FOXP1: variants seen among roughly 807,000 people sequenced by gnomAD.
The protein encoded by FOXP1 is forkhead box protein P1.
FOXP1 carries 15 observed loss-of-function variants against 98.2 expected under a neutral mutation model. The ratio of observed to expected loss-of-function variants is 0.15; its 90% CI spans 0.10 to 0.24. The LOEUF is 0.24. Ranked by LOEUF, FOXP1 falls within the 10% of genes least tolerant of loss-of-function variation. FOXP1 has a pLI of 1.00. For synonymous variants in FOXP1, 371 were observed against 314.5 expected (o/e 1.18, Z -1.90); for missense variants, 633 against 848.5 (o/e 0.75, Z 3.15).
At chr3:71,314,455 G>A (rs1166785774) in intron 4 of FOXP1, among the ~76,000 whole-genome samples, 2 of 151,892 alleles carry the variant, frequency 1.3e-5, no homozygotes, top group African/African-American at 2.4e-5. Context: ...TTGAACCCGG[G>A]AGGTGGAGAT....
intron 3 of FOXP1, among the ~76,000 whole-genome samples, chr3:71,418,009 C>T (rs1247213636): frequency 6.7e-6 from 1 of 149,648 alleles, no homozygotes; most frequent in Non-Finnish European, 1.5e-5. Context: ...CTCATGAGTG[C>T]TTTTCATGTA....
chr3:71,374,004 G>A (rs2079530625), intron 3 of FOXP1, among the ~76,000 whole-genome samples: 1 of 152,108 alleles, frequency 6.6e-6, no homozygotes, highest in African/African-American at 2.4e-5. Context: ...AATTAATGTA[G>A]CAAAATACCA....
chr3:71,016,148 G>A (rs1285275026), intron 11 of FOXP1, among the ~76,000 whole-genome samples: 3 of 151,906 alleles, frequency 2.0e-5, no homozygotes, highest in Non-Finnish European at 2.9e-5. Context: ...TAAATAATTT[G>A]GAATAATACC....
At chr3:71,582,335 C>A in intron 1 of FOXP1, 2 of 966,920 alleles carry the variant, frequency 2.1e-6, no homozygotes, top group Non-Finnish European at 2.5e-6. Context: ...AGCAAATGAC[C>A]GCGACCCCGC....
intron 3 of FOXP1, among the ~76,000 whole-genome samples, chr3:71,491,117 G>A (rs2091031357): frequency 6.6e-6 from 1 of 152,160 alleles, no homozygotes; most frequent in Non-Finnish European, 1.5e-5. Flanking sequence ...CTGGGTTCAA[G>A]GAATTCTCCT....
intron 2 of FOXP1, chr3:71,580,860 C>G (rs1408822911): frequency 1.0e-6 from 1 of 985,172 alleles, no homozygotes; most frequent in African/African-American, 1.7e-5. Context: ...AGATGCCTTT[C>G]AAAGGGAATC....
intron 6 of FOXP1, among the ~76,000 whole-genome samples, chr3:71,187,021 C>A (rs762111196): frequency 6.6e-4 from 101 of 152,372 alleles, no homozygotes; most frequent in Middle Eastern, 3.4e-3. Context: ...TGTGTTTCAA[C>A]AGAACTTTTA....
At chr3:71,499,431 C>T (rs2041165653) in intron 2 of FOXP1, among the ~76,000 whole-genome samples, 1 of 152,232 alleles carries the variant, frequency 6.6e-6, no homozygotes, top group Non-Finnish European at 1.5e-5. Flanking sequence ...TATATACACA[C>T]ACATATAAAC....
chr3:71,451,188 G>A (rs748932312), intron 3 of FOXP1, among the ~76,000 whole-genome samples: 7 of 152,258 alleles, frequency 4.6e-5, no homozygotes, highest in South Asian at 4.1e-4. Context: ...GCTGTGTTAC[G>A]CATGGACACA....
intron 20 of FOXP1, among the ~76,000 whole-genome samples, chr3:70,963,276 G>A (rs2033987276): frequency 6.6e-6 from 1 of 152,158 alleles, no homozygotes; most frequent in Admixed American, 6.5e-5. Context: ...ACACAACCAG[G>A]TTAGACAGTA....
chr3:71,267,988 A>AG (rs1351189347), intron 5 of FOXP1, among the ~76,000 whole-genome samples: 1 of 145,398 alleles, frequency 6.9e-6, no homozygotes, highest in Non-Finnish European at 1.5e-5. Context: ...ACTGTACCCT[A>AG]GCCTGGGCGA....
At chr3:71,463,188 C>T (rs908456973) in intron 3 of FOXP1, among the ~76,000 whole-genome samples, 3 of 151,916 alleles carry the variant, frequency 2.0e-5, no homozygotes, top group African/African-American at 7.3e-5. Flanking sequence ...CATGGTGAAA[C>T]CCCGACTCTA....
intron 5 of FOXP1, among the ~76,000 whole-genome samples, chr3:71,287,137 A>G (rs2072235642): frequency 6.6e-6 from 1 of 152,374 alleles, no homozygotes; most frequent in African/African-American, 2.4e-5. Context: ...GAGTACATAC[A>G]GTAAAAGTAT....
chr3:71,311,250 C>T (rs1283668281), intron 4 of FOXP1, among the ~76,000 whole-genome samples: 1 of 152,070 alleles, frequency 6.6e-6, no homozygotes, highest in Admixed American at 6.6e-5. Flanking sequence ...CACCATGCCT[C>T]ACTAGTTTTT....
rs184997469 is a variant in FOXP1, at chr3:71,554,521, T to C, written c.-298+27028A>G. ...AATTCTGTTGACTTAATTTGTTGTTTGATTCCGTGTACTGGATGGAAAAAA... is the reference window on the plus strand; with the variant it reads ...AATTCTGTTGACTTAATTTGTTGTTCGATTCCGTGTACTGGATGGAAAAAA... On this transcript the variant is annotated intron_variant, in intron 2 of 20. Transcript: ENST00000649528. Among the ~76,000 whole-genome samples, 10 of 152,350 alleles carry C rather than the reference T, an allele frequency of 6.6e-5. No individual in the cohort carries two copies. In the East Asian group the frequency reaches 1.9e-3, roughly 29 times the overall value.
At chr3:70,982,775 A>G (rs2039087365) in intron 14 of FOXP1, among the ~76,000 whole-genome samples, 2 of 152,066 alleles carry the variant, frequency 1.3e-5, no homozygotes, top group South Asian at 4.2e-4. Flanking sequence ...AGTCACTCAC[A>G]TTAAAAAAAT....
intron 2 of FOXP1, among the ~76,000 whole-genome samples, chr3:71,514,326 C>G (rs1334738601): frequency 6.6e-6 from 1 of 152,154 alleles, no homozygotes; most frequent in African/African-American, 2.4e-5. Context: ...AACTACTTGG[C>G]GTCACAATCA....
At chr3:71,095,413 G>A (rs114303348) in intron 7 of FOXP1, among the ~76,000 whole-genome samples, 5 of 152,216 alleles carry the variant, frequency 3.3e-5, no homozygotes, top group Admixed American at 6.5e-5. Context: ...CAAAATTCCA[G>A]AACAGTTGTA....
intron 3 of FOXP1, among the ~76,000 whole-genome samples, chr3:71,388,780 G>C (rs1447891080): frequency 6.6e-6 from 1 of 152,178 alleles, no homozygotes; most frequent in Non-Finnish European, 1.5e-5. Context: ...AAGGCGGACA[G>C]ATAAAAATGA....
Sources: gnomAD v4.1 joint callset for allele counts (sites outside exome capture counted in the v4.1 genomes callset) on GRCh38, gnomAD v4.1.1 for gene constraint, MANE v1.5 for transcripts, NCBI Gene and HGNC (gene_info 2026-07-23, HGNC 2026-07-21) for gene names.